FUT8: variants seen among roughly 807,000 people sequenced by gnomAD.
FUT8 encodes fucosyltransferase 8, also known as alpha-(1,6)-fucosyltransferase.
Under a neutral mutation model 71.3 loss-of-function variants are expected in FUT8, and 29 were observed. The ratio of observed to expected loss-of-function variants is 0.41; its 90% CI spans 0.30 to 0.55. FUT8 has a LOEUF of 0.55. Ranked by LOEUF, FUT8 falls within the 20% of genes least tolerant of loss-of-function variation. FUT8 has a pLI of 0.34. For synonymous variants in FUT8, 254 were observed against 239.3 expected (o/e 1.06, Z -0.57); for missense variants, 544 against 702.1 (o/e 0.77, Z 2.55).
the FUT8 span, among the ~76,000 whole-genome samples, chr14:65,378,836 G>GGTTT: frequency 1.3e-5 from 1 of 74,852 alleles, no homozygotes; most frequent in African/African-American, 3.7e-5. Flanking sequence ...TTCACAAGAA[G>GGTTT]GTTTTTTTTT....
intron 2 of FUT8, among the ~76,000 whole-genome samples, chr14:65,514,860 G>T (rs192336370): frequency 2.2e-4 from 33 of 152,262 alleles, no homozygotes; most frequent in Admixed American, 8.5e-4. Flanking sequence ...TCAAAATGGA[G>T]ATAATGCCTA....
the FUT8 span, among the ~76,000 whole-genome samples, chr14:65,402,665 A>G: frequency 1.3e-5 from 1 of 75,982 alleles, no homozygotes; most frequent in African/African-American, 5.4e-5. Context: ...GACTCCGTCT[A>G]AAGCAAAAAA....
At chr14:65,736,383 A>T (rs937787112) in intron 10 of FUT8, among the ~76,000 whole-genome samples, 2 of 151,248 alleles carry the variant, frequency 1.3e-5, no homozygotes, top group South Asian at 4.2e-4. Flanking sequence ...CTCACATTTT[A>T]GAAGGAGCAT....
intron 2 of FUT8, among the ~76,000 whole-genome samples, chr14:65,510,956 T>C (rs1882300658): frequency 6.6e-6 from 1 of 152,114 alleles, no homozygotes; most frequent in Non-Finnish European, 1.5e-5. Flanking sequence ...TTTGAGTTTG[T>C]TTTCCTCTTG....
chr14:65,571,921 C>G (rs762142071), intron 3 of FUT8, among the ~76,000 whole-genome samples: 1 of 152,082 alleles, frequency 6.6e-6, no homozygotes, highest in Non-Finnish European at 1.5e-5. Context: ...ATATGAAAAT[C>G]TAGGTTTACA....
At chr14:65,667,065 C>T (rs569358792) in intron 6 of FUT8, among the ~76,000 whole-genome samples, 1 of 152,244 alleles carries the variant, frequency 6.6e-6, no homozygotes, top group African/African-American at 2.4e-5. Context: ...CAACATCATA[C>T]TGAGTGGACA....
intron 3 of FUT8, among the ~76,000 whole-genome samples, chr14:65,577,280 C>T (rs1886841741): frequency 6.6e-6 from 1 of 152,054 alleles, no homozygotes; most frequent in Non-Finnish European, 1.5e-5. Context: ...TGAAGTGGCT[C>T]TTAGGTGGAG....
At chr14:65,449,654 T>TGA (rs2065792742) in intron 1 of FUT8, among the ~76,000 whole-genome samples, 1 of 152,202 alleles carries the variant, frequency 6.6e-6, no homozygotes, top group African/African-American at 2.4e-5. Context: ...ATCTTAGCCA[T>TGA]GAGCAGCATA....
At chr14:65,568,667 T>G (rs918775682) in intron 3 of FUT8, among the ~76,000 whole-genome samples, 5 of 151,670 alleles carry the variant, frequency 3.3e-5, no homozygotes, top group African/African-American at 1.2e-4. Flanking sequence ...TGAAATTTAT[T>G]TAATGGCTTA....
chr14:65,360,779 T>C, the FUT8 span, among the ~76,000 whole-genome samples: 4 of 152,202 alleles, frequency 2.6e-5, no homozygotes, highest in East Asian at 1.9e-4. Flanking sequence ...TTTATTATTA[T>C]TGTTTGCAGA....
rs994314000 is a variant in FUT8 at position 65,660,820 on chromosome 14, A to T, written c.598-8423A>T. On this transcript the variant is annotated intron_variant, in intron 6 of 10. Coordinates refer to ENST00000673929, the MANE Select transcript of FUT8 (RefSeq NM_001371533.1). The surrounding 1 kb of genome is among the most constrained non-coding windows in gnomAD (Gnocchi z 4.1). The stretch of plus-strand genomic sequence containing the variant: ...CTGAGTCTTCATTTTAATTACCACA[A>T]TGGAGTACTTCAGTTCTCTTATTTG... Among the ~76,000 whole-genome samples the T allele has an allele frequency of 3.9e-5, 6 of 152,188 alleles. No homozygotes were observed. The highest frequency in any genetic ancestry group is 8.8e-5 in the Non-Finnish European group (6 of 68,022).
chr14:65,374,796 T>C, the FUT8 span, among the ~76,000 whole-genome samples: 1 of 151,880 alleles, frequency 6.6e-6, no homozygotes, highest in African/African-American at 2.4e-5. Flanking sequence ...GACGTGGGAT[T>C]TCACCATATT....
intron 5 of FUT8, among the ~76,000 whole-genome samples, chr14:65,628,400 T>C (rs1366972249): frequency 1.3e-5 from 2 of 152,206 alleles, no homozygotes; most frequent in Non-Finnish European, 2.9e-5. Context: ...CTAGCTGATA[T>C]ATTGAGAACA....
At chr14:65,440,524 C>T (rs1287378164) in intron 1 of FUT8, among the ~76,000 whole-genome samples, 1 of 151,866 alleles carries the variant, frequency 6.6e-6, no homozygotes, top group Non-Finnish European at 1.5e-5. Context: ...ACAAAAAAAG[C>T]TTGGATATAT....
At chr14:65,386,668 C>T in the FUT8 span, among the ~76,000 whole-genome samples, 4 of 151,736 alleles carry the variant, frequency 2.6e-5, no homozygotes, top group Admixed American at 6.6e-5. Flanking sequence ...TTATTTATTA[C>T]CTGTATCATA....
At position 65,715,677 on chromosome 14, in the gene FUT8, G is replaced by T. The variant is rs140928375; in HGVS notation, c.836-6098G>T. Among the ~76,000 whole-genome samples the T allele has an allele frequency of 7.2e-5, 11 of 152,234 alleles. No individual in the cohort carries two copies. In the East Asian group the frequency reaches 1.9e-3, roughly 27 times the overall value. On this transcript the variant is annotated intron_variant, in intron 7 of 10. Transcript: ENST00000673929. ...GTGTTTCCATGATCGTTTGTTTCAA[G>T]AAATTTTTTTAATTTCCTTCTTAAT...
intron 9 of FUT8, among the ~76,000 whole-genome samples, chr14:65,733,005 G>A (rs573485047): frequency 2.4e-4 from 37 of 152,290 alleles, no homozygotes; most frequent in African/African-American, 8.7e-4. Flanking sequence ...TTTGATGTGT[G>A]TATGTGTGTT....
At chr14:65,396,907 G>A in the FUT8 span, among the ~76,000 whole-genome samples, 4 of 152,148 alleles carry the variant, frequency 2.6e-5, no homozygotes, top group Non-Finnish European at 4.4e-5. This position sits in a 1 kb window ranked among gnomAD's most constrained non-coding sequence, Gnocchi z 5.5. Flanking sequence ...GTTTATAGGC[G>A]TGATCATAGC....
chr14:65,573,962 C>A (rs2140089929), intron 3 of FUT8, among the ~76,000 whole-genome samples: 1 of 152,252 alleles, frequency 6.6e-6, no homozygotes, highest in Non-Finnish European at 1.5e-5. Flanking sequence ...ATTAGGAGTT[C>A]TTGCACAGTT....
Sources: allele counts gnomAD v4.1 joint callset (sites outside exome capture counted in the v4.1 genomes callset), GRCh38; gene constraint gnomAD v4.1.1; non-coding constraint Gnocchi (gnomAD v3.1); transcripts MANE v1.5; gene names NCBI Gene and HGNC (gene_info 2026-07-23, HGNC 2026-07-21).